The following GRK4 variants were observed in gnomAD, a reference collection of about 807,000 sequenced individuals.
GRK4 encodes the protein G protein-coupled receptor kinase 4.
In GRK4, 73 loss-of-function variants were observed where a neutral mutation model predicts 77.9. The observed-to-expected ratio is 0.94, with a 90% CI of 0.78 to 1.14. The LOEUF is 1.14. Among genes scored for constraint, GRK4 ranks in the 50% most tolerant of loss-of-function variants. The pLI is 0.00. For missense variants in GRK4, 729 were observed against 700.2 expected (o/e 1.04, Z -0.46); for synonymous variants, 257 against 254.4 (o/e 1.01, Z -0.10).
At chr4:3,016,899 C>T (rs187708238) in intron 8 of GRK4, among the ~76,000 whole-genome samples, 29 of 152,056 alleles carry the variant, frequency 1.9e-4, no homozygotes, top group Non-Finnish European at 3.5e-4. Flanking sequence ...TTTCTCCTTC[C>T]CTATGGTGTT....
At chr4:3,021,353 T>C (rs1463478444) in intron 9 of GRK4, among the ~76,000 whole-genome samples, 1 of 152,228 alleles carries the variant, frequency 6.6e-6, no homozygotes, top group Non-Finnish European at 1.5e-5. Flanking sequence ...AGCATGAGGA[T>C]GTGCCCCTCC....
intron 2 of GRK4, chr4:2,986,917 T>A: frequency 3.3e-6 from 1 of 307,066 alleles, no homozygotes; most frequent in Non-Finnish European, 6.5e-6. Context: ...ACCCCCCCAT[T>A]GTTTTAACTC....
At chr4:3,029,626 G>T (rs527882941) in intron 12 of GRK4, among the ~76,000 whole-genome samples, 1 of 151,344 alleles carries the variant, frequency 6.6e-6, no homozygotes, top group Non-Finnish European at 1.5e-5. Context: ...GGGAGGACAC[G>T]TGTGTTCAGG....
chr4:2,986,842 G>A (rs1724536020), intron 2 of GRK4: 1 of 348,292 alleles, frequency 2.9e-6, no homozygotes, highest in Non-Finnish European at 5.7e-6. Context: ...AGATGATGAA[G>A]TATTATATTT....
At chr4:3,028,089 G>C in intron 11 of GRK4, 88 bp downstream of exon 11, 1 of 1,155,902 alleles carries the variant, frequency 8.7e-7, no homozygotes. Flanking sequence ...TGAATGGACC[G>C]GGGCCTCGGT....
intron 1 of GRK4, among the ~76,000 whole-genome samples, chr4:2,964,760 C>T (rs1327856848): frequency 6.6e-6 from 1 of 151,982 alleles, no homozygotes; most frequent in African/African-American, 2.4e-5. Context: ...TTCATTCACT[C>T]CAAGAAAAGA....
At position 2,994,438 on chromosome 4, in the gene GRK4, T is replaced by C. The variant is rs556849841; in HGVS notation, c.339+2146T>C. Among the ~76,000 whole-genome samples the C allele has an allele frequency of 3.3e-4, 50 of 152,328 alleles. No homozygotes were observed. In the South Asian group the frequency reaches 9.7e-3, roughly 30 times the overall value. On this transcript the variant is annotated intron_variant, in intron 4 of 15. Transcript: ENST00000398052. Reference sequence around the variant, plus strand: ...ATTGGCCAGGCTAGTCTCGAACTCCTGGCCTCAAGTGATCTGCCTGCCTCG... The same window carrying C: ...ATTGGCCAGGCTAGTCTCGAACTCCCGGCCTCAAGTGATCTGCCTGCCTCG...
chr4:3,005,765 C>T (rs919854083), intron 5 of GRK4, among the ~76,000 whole-genome samples: 1 of 152,022 alleles, frequency 6.6e-6, no homozygotes, highest in Non-Finnish European at 1.5e-5. Flanking sequence ...CCCTGTACTC[C>T]ACTGTACTCC....
intron 1 of GRK4, among the ~76,000 whole-genome samples, chr4:2,977,245 G>T (rs1721487450): frequency 6.6e-6 from 1 of 151,958 alleles, no homozygotes; most frequent in Admixed American, 6.6e-5. Flanking sequence ...TCCTCGGTAT[G>T]ATGAGTAACA....
At chr4:3,039,130 C>T (rs1374895773) in intron 15 of GRK4, among the ~76,000 whole-genome samples, 6 of 152,016 alleles carry the variant, frequency 3.9e-5, no homozygotes, top group South Asian at 2.1e-4. Context: ...GCAGGAGAAT[C>T]GCGTGAACCC....
intron 12 of GRK4, 32 bp downstream of exon 12, chr4:3,029,441 G>A (rs1267129942): frequency 1.2e-5 from 18 of 1,564,028 alleles, no homozygotes; most frequent in Non-Finnish European, 1.5e-5. Flanking sequence ...CTGGGAAATG[G>A]CACTTCTCAC....
In GRK4 at chr4:2,984,581, C is replaced by T; in HGVS notation, c.121C>T (p.Gln41Ter). Residue 41 changes from glutamine to a stop codon, truncating the protein, a stop_gained, in exon 2 of 16, where the codon CAG (glutamine) becomes TAG (stop). Coordinates refer to ENST00000398052, the MANE Select transcript of GRK4 (RefSeq NM_182982.3). LOFTEE classifies it high-confidence loss of function. ...KEILTLPPVSQCSELRHSIEK... is the reference protein window; with the variant it reads ...KEILTLPPVS ...GATACTGACACTGCCTCCTGTCAGC[C>T]AGTGCAGTGAGCTTAGACATTCCAT... 6.2e-7 allele frequency: 1 copy of T among 1,611,982 alleles called. No homozygotes were observed. The highest frequency in any genetic ancestry group is 8.5e-7 in the Non-Finnish European group (1 of 1,178,500).
At chr4:3,013,898 C>T (rs1733657532) in intron 8 of GRK4, 70 bp downstream of exon 8, 1 of 1,485,036 alleles carries the variant, frequency 6.7e-7, no homozygotes, top group East Asian at 2.3e-5. Context: ...CGACATGCCG[C>T]TCAGCTCACG....
Position 2,984,547 on chromosome 4 carries a change from A to G in GRK4, c.87A>G (p.Lys29=). The change falls in exon 2 of 16, where the codon AAA becomes AAG. Residue 29 remains lysine (K), a synonymous_variant. Transcript: ENST00000398052. ...GYGKKSGRSK[K]WKEILTLPPV... Reference sequence around the variant, plus strand: ...GCAAAAAAAGTGGTCGTAGTAAAAAATGGAAGGAGATACTGACACTGCCTC... The same window carrying G: ...GCAAAAAAAGTGGTCGTAGTAAAAAGTGGAAGGAGATACTGACACTGCCTC... 1 of 1,613,540 alleles carries G rather than the reference A, an allele frequency of 6.2e-7. No homozygotes were observed. The highest frequency in any genetic ancestry group is 1.1e-5 in the South Asian group (1 of 90,970).
chr4:3,016,963 C>G (rs540398940), intron 8 of GRK4, among the ~76,000 whole-genome samples: 64 of 152,322 alleles, frequency 4.2e-4, no homozygotes, highest in African/African-American at 1.5e-3. Flanking sequence ...GTGTTTACCC[C>G]CTGCTTACAG....
At chr4:2,965,581 C>T (rs527525917) in intron 1 of GRK4, 13 of 647,946 alleles carry the variant, frequency 2.0e-5, no homozygotes, top group East Asian at 1.1e-4. Context: ...GTGGCGGCCA[C>T]GCTTGTAGTC....
At chr4:3,001,780 G>A (rs56733257) in intron 4 of GRK4, among the ~76,000 whole-genome samples, 2,478 of 152,218 alleles carry the variant, frequency 0.016, 60 homozygotes, top group African/African-American at 0.057. Context: ...TTTTCTTATT[G>A]TTTACTATCT....
chr4:3,022,511 GA>G (rs1453908252), intron 10 of GRK4, 60 bp downstream of exon 10: 17 of 1,478,484 alleles, frequency 1.1e-5, no homozygotes, highest in Non-Finnish European at 1.3e-5. Flanking sequence ...CTTGGATACA[GA>G]AAGTTGGATG....
At chr4:3,013,560 G>A (rs1207976949) in intron 7 of GRK4, 128 bp from the exon 8 acceptor site, 17 of 1,099,672 alleles carry the variant, frequency 1.5e-5, no homozygotes, top group Non-Finnish European at 3.9e-6. Context: ...CTTTGAAACG[G>A]TCTCGGCTCC....
Sources: allele counts gnomAD v4.1 joint callset (sites outside exome capture counted in the v4.1 genomes callset), GRCh38; gene constraint gnomAD v4.1.1; transcripts MANE v1.5; gene names NCBI Gene and HGNC (gene_info 2026-07-23, HGNC 2026-07-21).